Variants in ZSWIM5 observed in about 807,000 individuals in gnomAD.
The protein encoded by ZSWIM5 is zinc finger SWIM domain-containing protein 5.
Under a neutral mutation model 119.6 loss-of-function variants are expected in ZSWIM5, and 55 were observed. The ratio of observed to expected loss-of-function variants is 0.46; its 90% CI spans 0.37 to 0.58. The LOEUF is 0.58. Among genes scored for constraint, ZSWIM5 ranks in the 20% least tolerant of loss-of-function variants. The probability of loss-of-function intolerance (pLI) is 0.00; values close to 1 mark genes in which losing one functional copy is unlikely to be tolerated. For synonymous variants in ZSWIM5, 537 were observed against 606.9 expected (o/e 0.88, Z 1.69); for missense variants, 1,193 against 1,512.8 (o/e 0.79, Z 3.51).
intron 1 of ZSWIM5, among the ~76,000 whole-genome samples, chr1:45,172,464 C>T (rs758903853): frequency 4.3e-4 from 65 of 152,102 alleles, no homozygotes; most frequent in Middle Eastern, 6.8e-3. Context: ...TATTTTACTA[C>T]GTAAAAAAGC....
At chr1:45,105,818 T>A (rs1645470240) in intron 1 of ZSWIM5, among the ~76,000 whole-genome samples, 1 of 146,192 alleles carries the variant, frequency 6.8e-6, no homozygotes. Flanking sequence ...GGAGAGCCTC[T>A]GCCCGGCCGC....
chr1:45,143,266 C>T (rs1221284939), intron 1 of ZSWIM5, among the ~76,000 whole-genome samples: 1 of 151,518 alleles, frequency 6.6e-6, no homozygotes, highest in African/African-American at 2.4e-5. Flanking sequence ...TATTAGCATA[C>T]CAAGTCCAGA....
chr1:45,130,203 A>G (rs1645647036), intron 1 of ZSWIM5, among the ~76,000 whole-genome samples: 2 of 152,206 alleles, frequency 1.3e-5, no homozygotes, highest in African/African-American at 4.8e-5. Flanking sequence ...CAGCATCATA[A>G]AAAGAAATAC....
chr1:45,027,707 G>T (rs1464211474), intron 11 of ZSWIM5, among the ~76,000 whole-genome samples: 4 of 151,860 alleles, frequency 2.6e-5, no homozygotes, highest in Admixed American at 1.3e-4. Context: ...TTGAGAAAAG[G>T]TCTTACTCTT....
chr1:45,142,884 T>C (rs931984264), intron 1 of ZSWIM5, among the ~76,000 whole-genome samples: 3 of 151,088 alleles, frequency 2.0e-5, no homozygotes, highest in Non-Finnish European at 4.4e-5. Context: ...AAGAAAACTA[T>C]AGACTGCTGG....
At chr1:45,153,644 C>T (rs1645811005) in intron 1 of ZSWIM5, among the ~76,000 whole-genome samples, 1 of 152,020 alleles carries the variant, frequency 6.6e-6, no homozygotes, top group Non-Finnish European at 1.5e-5. Flanking sequence ...TTCACAATAG[C>T]AAAGACATGG....
At chr1:45,169,157 C>T (rs1475205313) in intron 1 of ZSWIM5, among the ~76,000 whole-genome samples, 2 of 151,888 alleles carry the variant, frequency 1.3e-5, no homozygotes, top group Admixed American at 1.3e-4. Context: ...CACTTCCAAT[C>T]TGTATATCTA....
At chr1:45,134,271 C>T (rs1362192026) in intron 1 of ZSWIM5, among the ~76,000 whole-genome samples, 7 of 151,824 alleles carry the variant, frequency 4.6e-5, no homozygotes, top group Non-Finnish European at 1.0e-4. Flanking sequence ...AGAAGCAAAA[C>T]TAGTGAAAAT....
intron 1 of ZSWIM5, among the ~76,000 whole-genome samples, chr1:45,139,375 T>TC (rs1491312545): frequency 2.0e-5 from 3 of 150,070 alleles, no homozygotes; most frequent in Non-Finnish European, 4.4e-5. Context: ...TCTTTTTTTT[T>TC]CTCTCTCTCT....
intron 1 of ZSWIM5, among the ~76,000 whole-genome samples, chr1:45,096,733 G>A (rs1010316328): frequency 3.3e-5 from 5 of 152,132 alleles, no homozygotes; most frequent in African/African-American, 4.8e-5. Context: ...GCTTCATGCC[G>A]TTCTATGGCT....
chr1:45,190,629 TCTAA>T (rs1646085705), intron 1 of ZSWIM5, among the ~76,000 whole-genome samples: 1 of 152,200 alleles, frequency 6.6e-6, no homozygotes, highest in Non-Finnish European at 1.5e-5. Flanking sequence ...CATTTATTCC[TCTAA>T]CTGCCAGGAG....
At chr1:45,070,571 TATTTC>T in intron 2 of ZSWIM5, 1 of 455,074 alleles carries the variant, frequency 2.2e-6, no homozygotes, top group South Asian at 2.9e-5. Context: ...ATCTAGTTGT[TATTTC>T]ATAGGTTGCA....
At chr1:45,133,024 T>C (rs968928358) in intron 1 of ZSWIM5, among the ~76,000 whole-genome samples, 5 of 152,216 alleles carry the variant, frequency 3.3e-5, no homozygotes, top group African/African-American at 1.2e-4. Flanking sequence ...TGATGGACAT[T>C]TGGGTTGGTT....
chr1:45,202,025 C>G (rs912390549), intron 1 of ZSWIM5, among the ~76,000 whole-genome samples: 2 of 151,466 alleles, frequency 1.3e-5, no homozygotes, highest in Non-Finnish European at 2.9e-5. Flanking sequence ...GGAGAGAACT[C>G]ATTGATCAGA....
chr1:45,035,638 G>A, intron 10 of ZSWIM5, 50 bp downstream of exon 10: 2 of 1,598,986 alleles, frequency 1.3e-6, no homozygotes, highest in East Asian at 4.5e-5. Context: ...AAAGAGCACT[G>A]GACACTTCTG....
chr1:45,063,788 C>T (rs562938765), intron 2 of ZSWIM5, among the ~76,000 whole-genome samples: 10 of 152,078 alleles, frequency 6.6e-5, no homozygotes, highest in African/African-American at 1.7e-4. Context: ...GTCAGGAGAT[C>T]GAGACCATCC....
rs1269595291 is a variant in ZSWIM5, at chr1:45,017,354, TACAC to T, written c.*1096_*1099del. 1 of 152,224 alleles carries T rather than the reference TACAC, an allele frequency of 6.6e-6. No homozygotes were observed. The highest frequency in any genetic ancestry group is 2.4e-5 in the African/African-American group (1 of 41,468). 9.4% of individuals were successfully genotyped at this position (152,224 alleles called of 1,614,324 possible). On this transcript the variant is annotated 3_prime_UTR_variant, in exon 14 of 14. Transcript: ENST00000359600. ...ATACACATGCACTCGTGTACGCAGA[TACAC>T]ATACTAAACATGCACAAACATGAGT... is the stretch of plus-strand genomic sequence containing the variant.
intron 4 of ZSWIM5, among the ~76,000 whole-genome samples, chr1:45,055,272 G>C (rs535752821): frequency 1.3e-5 from 2 of 152,268 alleles, no homozygotes; most frequent in South Asian, 4.1e-4. Context: ...TTACAGGTGT[G>C]AGCCACTGTG....
chr1:45,137,694 G>T (rs1272814142), intron 1 of ZSWIM5, among the ~76,000 whole-genome samples: 1 of 152,148 alleles, frequency 6.6e-6, no homozygotes, highest in Non-Finnish European at 1.5e-5. Context: ...AGAATAGCAA[G>T]GAGGACATTA....
Sources: gnomAD v4.1 joint callset for allele counts (sites outside exome capture counted in the v4.1 genomes callset) on GRCh38, gnomAD v4.1.1 for gene constraint, MANE v1.5 for transcripts, NCBI Gene and HGNC (gene_info 2026-07-23, HGNC 2026-07-21) for gene names.